TTLL1: variants seen among roughly 807,000 people sequenced by gnomAD.
The protein encoded by TTLL1 is TTL family tubulin polyglutamylase complex subunit L1.
TTLL1 carries 33 observed loss-of-function variants against 47.8 expected under a neutral mutation model. The observed-to-expected ratio is 0.69, with a 90% CI of 0.52 to 0.92. The LOEUF (loss-of-function observed/expected upper bound fraction) is 0.92. TTLL1 is among the 40% of genes least tolerant of loss of function. The pLI, the probability that TTLL1 is intolerant of heterozygous loss-of-function variation, is 0.00. For synonymous variants in TTLL1, 225 were observed against 214.1 expected, an observed-to-expected ratio of 1.05 and a Z score of -0.45; for missense variants, 488 against 547.5, an observed-to-expected ratio of 0.89 and a Z score of 1.08.
intron 7 of TTLL1, 143 bp downstream of exon 7, chr22:43,063,670 T>G: frequency 6.5e-6 from 4 of 614,680 alleles, no homozygotes; most frequent in Non-Finnish European, 2.9e-6. Flanking sequence ...TTCATTGTGT[T>G]CGTCAGGCTG....
At chr22:43,085,852 TTAGA>T (rs1169871227) in intron 1 of TTLL1, among the ~76,000 whole-genome samples, 2 of 152,158 alleles carry the variant, frequency 1.3e-5, no homozygotes, top group African/African-American at 4.8e-5. Context: ...GCCTCCCACA[TTAGA>T]TAGCAACCTC....
At chr22:43,071,571 C>T (rs746730169) in intron 3 of TTLL1, among the ~76,000 whole-genome samples, 3 of 151,888 alleles carry the variant, frequency 2.0e-5, no homozygotes, top group South Asian at 4.1e-4. Flanking sequence ...CACCACACAC[C>T]GCTAATTGTT....
Position 43,044,292 on chromosome 22 carries a change from T to C in TTLL1, c.1142+2118A>G, listed in dbSNP as rs547973094. 5.9e-5 allele frequency among the ~76,000 whole-genome samples: 9 copies of C among 152,236 alleles called. No homozygotes were observed. In the East Asian group the frequency reaches 1.5e-3, roughly 26 times the overall value. ...CCTGAAGTTCACAGCCACTACCCTG[T>C]AGAGGCCCCGAGGTTGCCGGCAAGC... On this transcript the variant is annotated intron_variant, in intron 10 of 10. Coordinates refer to ENST00000266254, the MANE Select transcript of TTLL1 (RefSeq NM_012263.5).
In TTLL1 at chr22:43,039,680, G is replaced by A. The variant is rs115521324; in HGVS notation, c.*96C>T. On this transcript the variant is annotated 3_prime_UTR_variant, in exon 11 of 11. Coordinates refer to ENST00000266254, the MANE Select transcript of TTLL1 (RefSeq NM_012263.5). Reference sequence around the variant, plus strand: ...TGCCTTCGTTTATTTACAGGGCTTAGGAAAGGAAAAAAGCTCTACAAAAGG... The same window carrying A: ...TGCCTTCGTTTATTTACAGGGCTTAAGAAAGGAAAAAAGCTCTACAAAAGG... The A allele has an allele frequency of 1.8e-3, 2,652 of 1,445,512 alleles. 20 individuals carry two copies. The African/African-American group carries it at 0.022, about 12-fold the overall frequency. The allele number at this position is 1,445,512 out of a possible 1,614,324, so 89.5% of individuals were successfully genotyped here.
At chr22:43,057,442 T>G (rs956860457) in intron 8 of TTLL1, among the ~76,000 whole-genome samples, 2 of 152,214 alleles carry the variant, frequency 1.3e-5, no homozygotes, top group Admixed American at 6.5e-5. Flanking sequence ...GGAGGGAAGC[T>G]CTTTCTCACA....
intron 5 of TTLL1, among the ~76,000 whole-genome samples, chr22:43,067,774 C>A (rs1311751639): frequency 6.6e-6 from 1 of 151,634 alleles, no homozygotes; most frequent in Non-Finnish European, 1.5e-5. Flanking sequence ...GAGTTTGAGA[C>A]CAGCCTGGCT....
At position 43,054,723 on chromosome 22, in the gene TTLL1, C is replaced by CTTT. The variant is rs60472260; in HGVS notation, c.892-2839_892-2837dup. On this transcript the variant is annotated intron_variant, in intron 8 of 10. Transcript: ENST00000266254. ...ACAAGCATGAGCCACTGCACCTGGCCTTTTTTTTTTTTTTTTTTTTGAGAC... is the reference window on the plus strand; with the variant it reads ...ACAAGCATGAGCCACTGCACCTGGCCTTTTTTTTTTTTTTTTTTTTTTTGAGAC... 8.2e-3 allele frequency among the ~76,000 whole-genome samples: 786 copies of CTTT among 95,750 alleles called. 45 individuals carry two copies. Among genetic ancestry groups the CTTT allele is most frequent in the Admixed American group, 0.02 (144 of 7,138 alleles). 62.8% of individuals were successfully genotyped at this position (95,750 alleles called of 152,430 possible). A position where few individuals can be genotyped will look rare whatever the true frequency, so the allele number is the denominator to read the frequency against.
At chr22:43,068,724 A>G in intron 4 of TTLL1, 134 bp from the exon 5 acceptor site, 1 of 706,782 alleles carries the variant, frequency 1.4e-6, no homozygotes, top group South Asian at 4.3e-5. Context: ...TAACAGAACA[A>G]GGGCCTCTGC....
At chr22:43,070,242 C>G (rs1442679758) in intron 3 of TTLL1, 5 of 1,311,404 alleles carry the variant, frequency 3.8e-6, no homozygotes, top group Non-Finnish European at 4.0e-6. Context: ...GGTCAAGGAG[C>G]CTTTAAAAAC....
intron 2 of TTLL1, among the ~76,000 whole-genome samples, chr22:43,079,504 T>C (rs1424943984): frequency 1.3e-5 from 2 of 152,232 alleles, no homozygotes; most frequent in Non-Finnish European, 2.9e-5. Flanking sequence ...CCTCCACAGC[T>C]GTGATTTCCT....
At chr22:43,056,090 A>G (rs1926982000) in intron 8 of TTLL1, among the ~76,000 whole-genome samples, 1 of 151,934 alleles carries the variant, frequency 6.6e-6, no homozygotes. Context: ...AGCCAGGCAC[A>G]GTGGCTCCTG....
chr22:43,071,388 C>CTTTTGTTTTG (rs538972456), intron 3 of TTLL1, among the ~76,000 whole-genome samples: 2 of 151,848 alleles, frequency 1.3e-5, no homozygotes, highest in African/African-American at 4.8e-5. Context: ...TAATCCAGCA[C>CTTTTGTTTTG]TTTTGTTTTG....
intron 8 of TTLL1, among the ~76,000 whole-genome samples, chr22:43,057,290 A>C (rs1927082587): frequency 6.6e-6 from 1 of 151,836 alleles, no homozygotes; most frequent in Non-Finnish European, 1.5e-5. Flanking sequence ...AAAAAAAAAA[A>C]AAAAAAAAAG....
chr22:43,046,642 A>G, intron 9 of TTLL1, 69 bp from the exon 10 acceptor site: 1 of 1,551,302 alleles, frequency 6.4e-7, no homozygotes, highest in Admixed American at 1.7e-5. Flanking sequence ...TGTGCACTGC[A>G]GAAGGAGATG....
chr22:43,083,301 A>G (rs1377881288), intron 1 of TTLL1, among the ~76,000 whole-genome samples: 1 of 151,952 alleles, frequency 6.6e-6, no homozygotes, highest in African/African-American at 2.4e-5. Context: ...CCTGGGAGGT[A>G]GAGCTTGCAG....
chr22:43,078,501 A>G lies in TTLL1; in HGVS notation c.-5+1401T>C, dbSNP rs572292803. On this transcript the variant is annotated intron_variant, in intron 2 of 10. Coordinates refer to ENST00000266254, the MANE Select transcript of TTLL1 (RefSeq NM_012263.5). ...ACACAGCAAGACTCTGTCAGAAAAG[A>G]AAAGGAAGGAAAAACAAAAGAGAAG... 2.6e-5 allele frequency among the ~76,000 whole-genome samples: 4 copies of G among 152,180 alleles called. No individual in the cohort carries two copies. In the South Asian group the frequency reaches 8.3e-4, roughly 32 times the overall value.
At chr22:43,040,056 TC>T in intron 10 of TTLL1, 151 bp from the exon 11 acceptor site, 1 of 1,042,406 alleles carries the variant, frequency 9.6e-7, no homozygotes, top group Non-Finnish European at 1.4e-6. Context: ...CCCGCCCACC[TC>T]CCACCTGGCT....
intron 3 of TTLL1, among the ~76,000 whole-genome samples, chr22:43,075,260 C>G (rs1928407453): frequency 6.6e-6 from 1 of 152,214 alleles, no homozygotes; most frequent in African/African-American, 2.4e-5. Flanking sequence ...TGTGCTGAAA[C>G]ACCCCGGACT....
intron 10 of TTLL1, among the ~76,000 whole-genome samples, chr22:43,043,278 C>A (rs1925845537): frequency 6.6e-6 from 1 of 152,004 alleles, no homozygotes. Context: ...GCGAGTCTGG[C>A]CCACTCCCTC....
Sources: gnomAD v4.1 joint callset for allele counts (sites outside exome capture counted in the v4.1 genomes callset) on GRCh38, gnomAD v4.1.1 for gene constraint, MANE v1.5 for transcripts, NCBI Gene and HGNC (gene_info 2026-07-23, HGNC 2026-07-21) for gene names.